ZNF805: variants seen among roughly 807,000 people sequenced by gnomAD.
The protein encoded by ZNF805 is CTC-444N24.8.
A neutral mutation model predicts 13.6 loss-of-function variants in ZNF805; 7 were observed. The observed-to-expected ratio is 0.51, with a 90% CI of 0.29 to 0.97. The LOEUF (loss-of-function observed/expected upper bound fraction) is 0.97. ZNF805 is among the 50% of genes least tolerant of loss of function. ZNF805 has a pLI of 0.08. For missense variants in ZNF805, 604 were observed against 771.0 expected (o/e 0.78, Z 2.57); for synonymous variants, 293 against 279.8 (o/e 1.05, Z -0.47).
At chr19:57,243,533 G>A (rs2087592151) in intron 1 of ZNF805, among the ~76,000 whole-genome samples, 1 of 152,186 alleles carries the variant, frequency 6.6e-6, no homozygotes. Context: ...TTTGGGACTT[G>A]TAGTTGCTTT....
At position 57,244,020 on chromosome 19, in the gene ZNF805, T is replaced by A. The variant is rs766661323; in HGVS notation, c.128T>A (p.Leu43Gln). The change falls in exon 2 of 4, where the codon CTG (leucine) becomes CAG (glutamine). Residue 43 changes from leucine to glutamine, a missense_variant. This residue lies in a region of ZNF805 where 327 missense variants were observed against 378.2 expected (regional missense o/e 0.86). Transcript: ENST00000414468. ...AQRTLYQEVMLENCGLLVSLG... is the reference protein window; with the variant it reads ...AQRTLYQEVMQENCGLLVSLG... ...CGGACCCTGTACCAGGAGGTGATGC[T>A]GGAAAACTGTGGGCTCCTGGTATCT... The A allele has an allele frequency of 1.2e-6, 2 of 1,613,978 alleles. No homozygotes were observed. Among genetic ancestry groups the A allele is most frequent in the Admixed American group, 1.7e-5 (1 of 60,000 alleles).
At position 57,258,985 on chromosome 19, in the gene ZNF805, C is replaced by T. The variant is rs2087707221; in HGVS notation, c.*4282C>T. ...TAGTACTTGAGAAACATGTTTGTTC[C>T]TTCTGTCCGCTATGGTTTCAGATGA... On this transcript the variant is annotated 3_prime_UTR_variant, in exon 4 of 4. Coordinates refer to ENST00000414468, the MANE Select transcript of ZNF805 (RefSeq NM_001023563.4). 6.6e-6 allele frequency among the ~76,000 whole-genome samples: 1 copy of T among 152,128 alleles called. No individual in the cohort carries two copies. The highest frequency in any genetic ancestry group is 1.5e-5 in the Non-Finnish European group (1 of 68,024).
In ZNF805 at chr19:57,254,898, A is replaced by G. The variant is rs2087678107; in HGVS notation, c.*195A>G. 1 of 590,790 alleles carries G rather than the reference A, an allele frequency of 1.7e-6. No individual in the cohort carries two copies. The highest frequency in any genetic ancestry group is 3.0e-6 in the Non-Finnish European group (1 of 337,036). 36.6% of individuals were successfully genotyped at this position (590,790 alleles called of 1,614,324 possible). A position where few individuals can be genotyped will look rare whatever the true frequency, so the allele number is the denominator to read the frequency against. On this transcript the variant is annotated 3_prime_UTR_variant, in exon 4 of 4. Coordinates refer to ENST00000414468, the MANE Select transcript of ZNF805 (RefSeq NM_001023563.4). ...TGTTATCTCAGGAATTTTTATAAAC[A>G]GAAAGAGGTGACATAGAAAAGAAAA...
chr19:57,248,327 G>T (rs951711610), intron 2 of ZNF805, among the ~76,000 whole-genome samples: 3 of 151,742 alleles, frequency 2.0e-5, no homozygotes, highest in Non-Finnish European at 4.4e-5. Context: ...CATAAATATT[G>T]TTCACTTTTT....
chr19:57,253,231 C>T lies in ZNF805; in HGVS notation c.412C>T (p.Arg138Cys), dbSNP rs61736510. ...QDGFSEMQGE[R>C]LRPGLDSQKE... ...TGGGTTTTCAGAAATGCAGGGAGAA[C>T]GCTTGAGACCAGGGTTAGATTCCCA... The change falls in exon 4 of 4, where the codon CGC becomes TGC. Residue 138 changes from arginine (R) to cysteine (C), a missense_variant. Arg to Cys is a radical substitution (Grantham distance 180). Coordinates refer to ENST00000414468, the MANE Select transcript of ZNF805 (RefSeq NM_001023563.4). The surrounding 1 kb of genome is among the most constrained non-coding windows in gnomAD (Gnocchi z 4.4). 29 of 1,556,910 alleles carry T rather than the reference C, an allele frequency of 1.9e-5. No individual in the cohort carries two copies. Among genetic ancestry groups the T allele is most frequent in the African/African-American group, 4.1e-5 (3 of 73,154 alleles).
In ZNF805 at chr19:57,255,056, C is replaced by T. The variant is rs1173573757; in HGVS notation, c.*353C>T. 1 of 197,764 alleles carries T rather than the reference C, an allele frequency of 5.1e-6. No individual in the cohort carries two copies. Among genetic ancestry groups the T allele is most frequent in the Non-Finnish European group, 1.1e-5 (1 of 88,280 alleles). 12.3% of individuals were successfully genotyped at this position (197,764 alleles called of 1,614,324 possible). A position where few individuals can be genotyped will look rare whatever the true frequency, so the allele number is the denominator to read the frequency against. On this transcript the variant is annotated 3_prime_UTR_variant, in exon 4 of 4. Coordinates refer to ENST00000414468, the MANE Select transcript of ZNF805 (RefSeq NM_001023563.4). Reference sequence around the variant, plus strand: ...TACAACATTGTCTCTTCTTAAGAAGCATTGTTTTTATGAGAAATAATGAAG... The same window carrying T: ...TACAACATTGTCTCTTCTTAAGAAGTATTGTTTTTATGAGAAATAATGAAG...
Position 57,253,643 on chromosome 19 carries a change from C to A in ZNF805, c.824C>A (p.Thr275Asn). The A allele has an allele frequency of 6.2e-7, 1 of 1,612,630 alleles. No individual in the cohort carries two copies. The highest frequency in any genetic ancestry group is 8.5e-7 in the Non-Finnish European group (1 of 1,179,574). Residue 275 changes from threonine to asparagine, a missense_variant, in exon 4 of 4, where the codon ACC (threonine) becomes AAC (asparagine). Transcript: ENST00000414468. This position sits in a 1 kb window ranked among gnomAD's most constrained non-coding sequence, Gnocchi z 4.4. ...GCTTTTAATCGGAAGTCACACCTTA[C>A]CCAGCACCAGCGGATTCACAGTGGA... ...GKAFNRKSHL[T>N]QHQRIHSGEK...
Position 57,243,936 on chromosome 19 carries a change from T to A in ZNF805, c.44T>A (p.Phe15Tyr), listed in dbSNP as rs1378130198. The A allele has an allele frequency of 7.4e-6, 12 of 1,614,132 alleles. No individual in the cohort carries two copies. In the South Asian group the frequency reaches 1.1e-4, roughly 15 times the overall value. ...LTDPAQVSVT[F>Y]DDVAVTFTQE... ...TTGACATTTCAGGTGTCTGTGACCTTTGATGATGTGGCTGTGACTTTCACC... is the reference window on the plus strand; with the variant it reads ...TTGACATTTCAGGTGTCTGTGACCTATGATGATGTGGCTGTGACTTTCACC... Residue 15 changes from phenylalanine to tyrosine, a missense_variant, in exon 2 of 4, where the codon TTT (phenylalanine) becomes TAT (tyrosine). Physicochemically the swap from Phe to Tyr is conservative, Grantham distance 22 (BLOSUM62 3). Around this residue, in one of 3 missense-constraint regions of ZNF805, gnomAD observed 327 missense variants for 378.2 expected, o/e 0.86. Transcript: ENST00000414468.
chr19:57,261,537 G>A lies in ZNF805; in HGVS notation c.*6834G>A, dbSNP rs910617949. ...CGTAGTAGACCCTCAATATATATGT[G>A]TGTGTTGGTAAATGGCCATACACAG... On this transcript the variant is annotated 3_prime_UTR_variant, in exon 4 of 4. Transcript: ENST00000414468. The A allele has an allele frequency of 6.0e-6, 1 of 166,916 alleles. No homozygotes were observed. Among genetic ancestry groups the A allele is most frequent in the Non-Finnish European group, 1.5e-5 (1 of 68,100 alleles). 10.3% of individuals were successfully genotyped at this position (166,916 alleles called of 1,614,324 possible).
In ZNF805 at chr19:57,257,628, A is replaced by C. The variant is rs998378206; in HGVS notation, c.*2925A>C. 1.4e-5 allele frequency among the ~76,000 whole-genome samples: 2 copies of C among 147,842 alleles called. No homozygotes were observed. The highest frequency in any genetic ancestry group is 3.0e-5 in the Non-Finnish European group (2 of 67,322). ...CATTTTTTTAAACCTTATCTATATC[A>C]CTATATTGGGAGTAAGTTTCTTGTG... On this transcript the variant is annotated 3_prime_UTR_variant, in exon 4 of 4. Coordinates refer to ENST00000414468, the MANE Select transcript of ZNF805 (RefSeq NM_001023563.4).
Position 57,244,024 on chromosome 19 carries a change from A to C in ZNF805, c.132A>C (p.Glu44Asp), listed in dbSNP as rs758289906. 5.6e-6 allele frequency: 9 copies of C among 1,613,898 alleles called. No individual in the cohort carries two copies. The South Asian group carries it at 9.9e-5, about 18-fold the overall frequency. ...QRTLYQEVML[E>D]NCGLLVSLGC... The stretch of plus-strand genomic sequence containing the variant: ...CCCTGTACCAGGAGGTGATGCTGGA[A>C]AACTGTGGGCTCCTGGTATCTCTGG... The change falls in exon 2 of 4, where the codon GAA (glutamate) becomes GAC (aspartate). Residue 44 changes from glutamate to aspartate, a missense_variant. By Grantham distance (45) the Glu-to-Asp change is conservative (BLOSUM62 2). This residue lies in a region of ZNF805 where 327 missense variants were observed against 378.2 expected (regional missense o/e 0.86). Transcript: ENST00000414468.
chr19:57,245,246 G>C (rs1056718496), intron 2 of ZNF805, among the ~76,000 whole-genome samples: 7 of 152,142 alleles, frequency 4.6e-5, no homozygotes, highest in African/African-American at 1.4e-4. Context: ...TGCATTTGCT[G>C]TTCTCTTTGA....
At position 57,257,377 on chromosome 19, in the gene ZNF805, T is replaced by C. The variant is rs1020365752; in HGVS notation, c.*2674T>C. On this transcript the variant is annotated 3_prime_UTR_variant, in exon 4 of 4. Coordinates refer to ENST00000414468, the MANE Select transcript of ZNF805 (RefSeq NM_001023563.4). ...GAAGTCCTGAGCTATAATTGTGGAA[T>C]TACCTATTCCTCCTTTAAGTTCTAT... Among the ~76,000 whole-genome samples the C allele has an allele frequency of 6.6e-6, 1 of 152,348 alleles. No individual in the cohort carries two copies. Among genetic ancestry groups the C allele is most frequent in the Admixed American group, 6.5e-5 (1 of 15,304 alleles).
At chr19:57,246,252 C>T (rs371424827) in intron 2 of ZNF805, among the ~76,000 whole-genome samples, 10 of 152,274 alleles carry the variant, frequency 6.6e-5, no homozygotes, top group African/African-American at 2.4e-4. Flanking sequence ...TGGCTCACTG[C>T]AACCTGTGCC....
At chr19:57,248,490 A>G in intron 2 of ZNF805, 115 bp from the exon 3 acceptor site, 1 of 932,248 alleles carries the variant, frequency 1.1e-6, no homozygotes, top group Non-Finnish European at 1.7e-6. Context: ...GTTCCCATGG[A>G]TGGGTGTAGC....
Position 57,253,580 on chromosome 19 carries a change from C to T in ZNF805, c.761C>T (p.Thr254Ile), listed in dbSNP as rs1190817961. The change falls in exon 4 of 4, where the codon ACT becomes ATT. Residue 254 changes from threonine to isoleucine, a missense_variant. This residue lies in a region of ZNF805 where 327 missense variants were observed against 378.2 expected (regional missense o/e 0.86). Coordinates refer to ENST00000414468, the MANE Select transcript of ZNF805 (RefSeq NM_001023563.4). The surrounding 1 kb of genome is among the most constrained non-coding windows in gnomAD (Gnocchi z 4.4). ...TYLLQHHMVH[T>I]GEKPYKCMEC... is the part of the protein sequence containing the mutation. ...CTCCTGCAGCACCACATGGTCCACA[C>T]TGGGGAGAAGCCCTATAAGTGCATG... 6.2e-7 allele frequency: 1 copy of T among 1,614,118 alleles called. No individual in the cohort carries two copies. Among genetic ancestry groups the T allele is most frequent in the Non-Finnish European group, 8.5e-7 (1 of 1,180,002 alleles).
Position 57,255,347 on chromosome 19 carries a change from G to A in ZNF805, c.*644G>A, listed in dbSNP as rs2087681527. On this transcript the variant is annotated 3_prime_UTR_variant, in exon 4 of 4. Coordinates refer to ENST00000414468, the MANE Select transcript of ZNF805 (RefSeq NM_001023563.4). ...ATTTAAAATTCATTTAGCATTCCTA[G>A]TTTGACTTTCCATATACACTTTAGG... Among the ~76,000 whole-genome samples the A allele has an allele frequency of 6.6e-6, 1 of 151,876 alleles. No individual in the cohort carries two copies. Among genetic ancestry groups the A allele is most frequent in the Non-Finnish European group, 1.5e-5 (1 of 67,938 alleles).
Position 57,257,208 on chromosome 19 carries a change from G to A in ZNF805, c.*2505G>A, listed in dbSNP as rs895711327. Among the ~76,000 whole-genome samples the A allele has an allele frequency of 6.6e-6, 1 of 152,084 alleles. No individual in the cohort carries two copies. Among genetic ancestry groups the A allele is most frequent in the Non-Finnish European group, 1.5e-5 (1 of 68,010 alleles). Reference sequence around the variant, plus strand: ...GCTGTCTTGTTTTACATAGCTGCTTGAAAAGAATGTGTGTTCTCGGTCATT... The same window carrying A: ...GCTGTCTTGTTTTACATAGCTGCTTAAAAAGAATGTGTGTTCTCGGTCATT... On this transcript the variant is annotated 3_prime_UTR_variant, in exon 4 of 4. Transcript: ENST00000414468.
chr19:57,259,492 A>ATTTGTTTTGT lies in ZNF805; in HGVS notation c.*4808_*4817dup, dbSNP rs201704217. On this transcript the variant is annotated 3_prime_UTR_variant, in exon 4 of 4. Coordinates refer to ENST00000414468, the MANE Select transcript of ZNF805 (RefSeq NM_001023563.4). ...TGTATTTTTCAGTTGTTTAATTTCCATTTGTTTTGTTTTGTTTTGTTTTGT... is the reference window on the plus strand; with the variant it reads ...TGTATTTTTCAGTTGTTTAATTTCCATTTGTTTTGTTTTGTTTTGTTTTGTTTTGTTTTGT... Among the ~76,000 whole-genome samples the ATTTGTTTTGT allele has an allele frequency of 6.7e-6, 1 of 149,474 alleles. No individual in the cohort carries two copies. The highest frequency in any genetic ancestry group is 1.5e-5 in the Non-Finnish European group (1 of 67,324).
Sources: gnomAD v4.1 joint callset for allele counts (sites outside exome capture counted in the v4.1 genomes callset) on GRCh38, gnomAD v4.1.1 for gene constraint, gnomAD v4.1.1 regional missense constraint, Gnocchi (gnomAD v3.1) non-coding constraint, MANE v1.5 for transcripts, NCBI Gene and HGNC (gene_info 2026-07-23, HGNC 2026-07-21) for gene names.